FAM118A: variants seen among roughly 807,000 people sequenced by gnomAD.
FAM118A encodes the protein SIR2 antiphage like 2, also known as protein FAM118A.
FAM118A carries 25 observed loss-of-function variants against 38.2 expected under a neutral mutation model. That is an observed-to-expected ratio of 0.65 (90% CI 0.48 to 0.91). The LOEUF is 0.91. Among genes scored for constraint, FAM118A ranks in the 40% least tolerant of loss-of-function variants. The pLI, the probability that FAM118A is intolerant of heterozygous loss-of-function variation, is 0.00. For synonymous variants in FAM118A, 178 were observed against 184.1 expected, an observed-to-expected ratio of 0.97 and a Z score of 0.27; for missense variants, 425 against 463.3, an observed-to-expected ratio of 0.92 and a Z score of 0.76.
chr22:45,335,360 C>T lies in FAM118A; in HGVS notation c.948C>T (p.Arg316=), dbSNP rs377733801. Residue 316 remains arginine (R), a synonymous_variant, in exon 7 of 9, where the codon CGC becomes CGT. Transcript: ENST00000441876. ...ICKQQSPDAD[R]VDSTTLLGNA... ...TTCTTTCTCCTTCAGATGCTGATCGCGTGGACAGCACCACATTATTGGGTA... is the reference window on the plus strand; with the variant it reads ...TTCTTTCTCCTTCAGATGCTGATCGTGTGGACAGCACCACATTATTGGGTA... The T allele has an allele frequency of 2.9e-5, 47 of 1,614,096 alleles. No homozygotes were observed. Among genetic ancestry groups the T allele is most frequent in the African/African-American group, 6.7e-5 (5 of 74,928 alleles).
At chr22:45,322,532 T>C (rs1358189169) in intron 2 of FAM118A, 106 bp downstream of exon 2, 23 of 967,996 alleles carry the variant, frequency 2.4e-5, no homozygotes, top group Non-Finnish European at 3.2e-5. Context: ...GAAAGTGAAA[T>C]GGAAACACTG....
At chr22:45,322,296 A>G in intron 1 of FAM118A, 75 bp from the exon 2 acceptor site, 1 of 1,583,580 alleles carries the variant, frequency 6.3e-7, no homozygotes, top group Non-Finnish European at 8.6e-7. Flanking sequence ...TTCTAGCCTT[A>G]ACTATCTTCC....
chr22:45,322,494 G>T (rs999389793), intron 2 of FAM118A, 68 bp downstream of exon 2: 11 of 1,369,164 alleles, frequency 8.0e-6, no homozygotes, highest in African/African-American at 1.5e-5. Context: ...GTGAGTGTGC[G>T]CACTCGTTCT....
intron 8 of FAM118A, among the ~76,000 whole-genome samples, chr22:45,338,561 C>T (rs1039395769): frequency 2.0e-5 from 3 of 152,202 alleles, no homozygotes; most frequent in Admixed American, 1.3e-4. Context: ...TTTCTCAGAG[C>T]ATCTGCTGTT....
chr22:45,333,846 T>C (rs1192540929), intron 6 of FAM118A, among the ~76,000 whole-genome samples: 2 of 151,962 alleles, frequency 1.3e-5, no homozygotes, highest in African/African-American at 4.8e-5. Context: ...TCTCTAAAAA[T>C]AAAAAATACA....
At position 45,310,900 on chromosome 22, in the gene FAM118A, A is replaced by AT. The variant is rs551908144; in HGVS notation, c.-10+723dup. On this transcript the variant is annotated intron_variant, in intron 1 of 8. Transcript: ENST00000441876. ...ACGCTTTTAGGTTGTCTCCTCCTTAATTTTTTCATTCAAGGAACTAACATT... is the reference window on the plus strand; with the variant it reads ...ACGCTTTTAGGTTGTCTCCTCCTTAATTTTTTTCATTCAAGGAACTAACATT... 2.1e-3 allele frequency among the ~76,000 whole-genome samples: 314 copies of AT among 152,188 alleles called. 2 individuals carry two copies. The highest frequency in any genetic ancestry group is 7.3e-3 in the African/African-American group (301 of 41,490).
Position 45,332,643 on chromosome 22 carries a change from C to T in FAM118A, c.870C>T (p.Asp290=), listed in dbSNP as rs201028436. The T allele has an allele frequency of 5.1e-5, 83 of 1,614,212 alleles. No homozygotes were observed. The Middle Eastern group carries it at 8.2e-4, about 16-fold the overall frequency. ...LHGIKVVSYG[D]CFDHFPGYVQ... is the part of the protein sequence containing the mutation. ...GAATCAAAGTTGTATCCTACGGGGA[C>T]TGTTTTGACCACTTTCCAGGATATG... Residue 290 remains aspartate (D), a synonymous_variant, in exon 6 of 9, where the codon GAC becomes GAT. Coordinates refer to ENST00000441876, the MANE Select transcript of FAM118A (RefSeq NM_017911.4).
Position 45,323,223 on chromosome 22 carries a change from G to A in FAM118A, c.96G>A (p.Leu32=), listed in dbSNP as rs201055872. The change falls in exon 3 of 9, where the codon CTG becomes CTA. Residue 32 remains leucine, a synonymous_variant. Transcript: ENST00000441876. ...GGAAACAGCCCCAGGAACTGCTCCT[G>A]GTTATCGGGACTGGCGTCAGCGCAG... ...LIRKQPQELL[L]VIGTGVSAAV... The A allele has an allele frequency of 5.6e-6, 9 of 1,614,174 alleles. No individual in the cohort carries two copies. In the Admixed American group the frequency reaches 8.3e-5, roughly 15 times the overall value.
intron 8 of FAM118A, among the ~76,000 whole-genome samples, chr22:45,336,939 A>T (rs2086144067): frequency 6.6e-6 from 1 of 152,214 alleles, no homozygotes; most frequent in Non-Finnish European, 1.5e-5. Context: ...TTACAGACTA[A>T]GATTTATTTA....
intron 8 of FAM118A, among the ~76,000 whole-genome samples, chr22:45,336,870 C>G (rs1054271835): frequency 1.6e-4 from 24 of 152,214 alleles, no homozygotes; most frequent in Non-Finnish European, 2.6e-4. Flanking sequence ...TAGCCTGATG[C>G]ATGTCACCTG....
At chr22:45,321,530 C>T (rs1207225843) in intron 1 of FAM118A, 1 of 152,206 alleles carries the variant, frequency 6.6e-6, no homozygotes, top group Non-Finnish European at 1.5e-5. Context: ...GACCCTCCCA[C>T]CTCAGCCTTC....
chr22:45,319,628 T>G (rs1010287222), intron 1 of FAM118A, among the ~76,000 whole-genome samples: 1 of 152,192 alleles, frequency 6.6e-6, no homozygotes, highest in South Asian at 2.1e-4. Context: ...TGGTGAACAG[T>G]TAAATCAGTC....
intron 2 of FAM118A, among the ~76,000 whole-genome samples, chr22:45,322,665 G>A (rs2084949102): frequency 6.6e-6 from 1 of 152,210 alleles, no homozygotes; most frequent in Non-Finnish European, 1.5e-5. Context: ...GTCATGTCTA[G>A]AACTGGGAGT....
chr22:45,325,965 G>T (rs534239648), intron 3 of FAM118A, among the ~76,000 whole-genome samples: 1 of 152,242 alleles, frequency 6.6e-6, no homozygotes, highest in East Asian at 1.9e-4. Flanking sequence ...AGACCCCCTG[G>T]GAACAGTGGG....
chr22:45,318,031 T>G (rs1380363139), intron 1 of FAM118A, among the ~76,000 whole-genome samples: 1 of 152,198 alleles, frequency 6.6e-6, no homozygotes, highest in Admixed American at 6.5e-5. Flanking sequence ...AGGTACTTTG[T>G]TTTACTACCT....
intron 6 of FAM118A, among the ~76,000 whole-genome samples, chr22:45,334,184 G>A (rs1424682757): frequency 6.6e-6 from 1 of 152,224 alleles, no homozygotes; most frequent in Non-Finnish European, 1.5e-5. Flanking sequence ...CAGGGTAAGT[G>A]AGAAATTCTT....
chr22:45,318,412 A>T (rs1019762283), intron 1 of FAM118A: 2 of 152,052 alleles, frequency 1.3e-5, no homozygotes, highest in Non-Finnish European at 2.9e-5. Context: ...AGGCCTCCGA[A>T]GGGTTTTGTT....
chr22:45,340,576 C>T lies in FAM118A; in HGVS notation c.*171C>T. On this transcript the variant is annotated 3_prime_UTR_variant, in exon 9 of 9. Transcript: ENST00000441876. ...CTCAAGGCTGGGTGAGAGGGCTCCC[C>T]TGTGTGTTGAACTATGCAGGAGGGT... The T allele has an allele frequency of 1.4e-6, 1 of 740,080 alleles. No individual in the cohort carries two copies. The highest frequency in any genetic ancestry group is 2.4e-6 in the Non-Finnish European group (1 of 424,934). The allele number at this position is 740,080 out of a possible 1,614,324, so 45.8% of individuals were successfully genotyped here.
At position 45,323,271 on chromosome 22, in the gene FAM118A, C is replaced by T. The variant is rs747765618; in HGVS notation, c.144C>T (p.Ala48=). The change falls in exon 3 of 9, where the codon GCC becomes GCT. Residue 48 remains alanine (A), a synonymous_variant. Transcript: ENST00000441876. ...CAGCAGTGGCCCCCGGAATCCCTGC[C>T]CTTTGCTCGTGGAGAAGCTGCATCG... ...VSAAVAPGIP[A]LCSWRSCIEA... is the part of the protein sequence containing the mutation. 6.2e-7 allele frequency: 1 copy of T among 1,614,184 alleles called. No individual in the cohort carries two copies. The highest frequency in any genetic ancestry group is 2.2e-5 in the East Asian group (1 of 44,890).
Sources: gnomAD v4.1 joint callset for allele counts (sites outside exome capture counted in the v4.1 genomes callset) on GRCh38, gnomAD v4.1.1 for gene constraint, MANE v1.5 for transcripts, NCBI Gene and HGNC (gene_info 2026-07-23, HGNC 2026-07-21) for gene names.